Variants in KNDC1 observed in about 807,000 individuals in gnomAD.
The protein encoded by KNDC1 is kinase non-catalytic C-lobe domain-containing protein 1.
KNDC1 carries 106 observed loss-of-function variants against 172.8 expected under a neutral mutation model. The observed-to-expected ratio is 0.61, with a 90% CI of 0.52 to 0.72. KNDC1 has a LOEUF of 0.72. Ranked by LOEUF, KNDC1 falls within the 30% of genes least tolerant of loss-of-function variation. The probability of loss-of-function intolerance (pLI) is 0.00; values close to 1 mark genes in which losing one functional copy is unlikely to be tolerated. For missense variants in KNDC1, 2,325 were observed against 2,394.5 expected (o/e 0.97, Z 0.61); for synonymous variants, 1,083 against 1,062.2 (o/e 1.02, Z -0.38).
intron 22 of KNDC1, 37 bp downstream of exon 22, chr10:133,211,606 G>A: frequency 1.2e-6 from 2 of 1,603,536 alleles, no homozygotes; most frequent in Non-Finnish European, 1.7e-6. Flanking sequence ...CGCACCCGGG[G>A]CTCCCACAGT....
At position 133,213,561 on chromosome 10, in the gene KNDC1, C is replaced by T. The variant is rs560595982; in HGVS notation, c.4444-84C>T. On this transcript the variant is annotated intron_variant, in intron 24 of 29. Transcript: ENST00000304613. ...ATTGCAGAGCTGGCCCCCCAGAAAA[C>T]ACCCACCCTCCCTGGGACCCTGCCT... The T allele has an allele frequency of 1.3e-5, 16 of 1,206,866 alleles. No individual in the cohort carries two copies. In the African/African-American group the frequency reaches 1.8e-4, roughly 14 times the overall value. 74.8% of individuals were successfully genotyped at this position (1,206,866 alleles called of 1,614,324 possible). A position where few individuals can be genotyped will look rare whatever the true frequency, so the allele number is the denominator to read the frequency against.
intron 6 of KNDC1, among the ~76,000 whole-genome samples, chr10:133,187,918 C>A (rs1853966269): frequency 7.6e-6 from 1 of 131,060 alleles, no homozygotes; most frequent in South Asian, 2.3e-4. Context: ...CCGCCCTCCA[C>A]CTCCATGAGC....
intron 17 of KNDC1, among the ~76,000 whole-genome samples, chr10:133,203,177 A>T (rs1477735138): frequency 1.6e-5 from 1 of 64,252 alleles, no homozygotes; most frequent in East Asian, 3.2e-4. Context: ...CCCCAAACGC[A>T]CAGAGTCCAG....
intron 17 of KNDC1, among the ~76,000 whole-genome samples, chr10:133,205,038 CCCT>C (rs1031774510): frequency 6.6e-6 from 1 of 152,078 alleles, no homozygotes; most frequent in African/African-American, 2.4e-5. Context: ...AGAATCACCA[CCCT>C]CCTCAGTACT....
intron 29 of KNDC1, among the ~76,000 whole-genome samples, chr10:133,222,383 C>T (rs1252543554): frequency 1.3e-5 from 2 of 152,196 alleles, no homozygotes; most frequent in East Asian, 3.9e-4. Context: ...GTGAGCGCCT[C>T]CAGATCTGCC....
chr10:133,161,271 A>G lies in KNDC1; in HGVS notation c.102+702A>G, dbSNP rs1038322198. 1.2e-4 allele frequency among the ~76,000 whole-genome samples: 19 copies of G among 152,132 alleles called. 1 individual carries two copies. Among genetic ancestry groups the G allele is most frequent in the African/African-American group, 3.1e-4 (13 of 41,430 alleles). On this transcript the variant is annotated intron_variant, in intron 1 of 29. Coordinates refer to ENST00000304613, the MANE Select transcript of KNDC1 (RefSeq NM_152643.8). Reference sequence around the variant, plus strand: ...ATGAGAGGTGGCCCCCAGGGGATACAGCAGCTCCCAGAGGGACCCTCACCC... The same window carrying G: ...ATGAGAGGTGGCCCCCAGGGGATACGGCAGCTCCCAGAGGGACCCTCACCC...
At chr10:133,177,210 G>A (rs1458818425) in intron 3 of KNDC1, among the ~76,000 whole-genome samples, 1 of 151,774 alleles carries the variant, frequency 6.6e-6, no homozygotes, top group Non-Finnish European at 1.5e-5. Context: ...GTAGTATAGT[G>A]TGTGTGTGCA....
At chr10:133,189,701 C>T in intron 8 of KNDC1, 32 bp downstream of exon 8, 1 of 1,613,860 alleles carries the variant, frequency 6.2e-7, no homozygotes, top group Non-Finnish European at 8.5e-7. Flanking sequence ...AGGCCGAGTC[C>T]AGCACCGGCT....
At chr10:133,184,119 C>T in intron 5 of KNDC1, 130 bp downstream of exon 5, 1 of 512,734 alleles carries the variant, frequency 2.0e-6, no homozygotes, top group Non-Finnish European at 3.5e-6. Flanking sequence ...ACTGCACACA[C>T]ACCCATGCAC....
intron 7 of KNDC1, among the ~76,000 whole-genome samples, chr10:133,189,284 C>T (rs1005666529): frequency 5.3e-5 from 8 of 152,160 alleles, no homozygotes; most frequent in African/African-American, 1.4e-4. Flanking sequence ...TGACTCGGGA[C>T]GGGGCCTGTG....
At chr10:133,167,080 A>C (rs1242167984) in intron 1 of KNDC1, 1 of 461,542 alleles carries the variant, frequency 2.2e-6, no homozygotes, top group Non-Finnish European at 4.0e-6. Context: ...TCCACGGAGC[A>C]GGTGACCCAG....
rs772688316 is a variant in KNDC1, at chr10:133,186,356, A to T, written c.1008A>T (p.Leu336Phe). Reference protein sequence around the residue: ...RGKSQLPISELFSPDPRKAFL... With the variant: ...RGKSQLPISEFFSPDPRKAFL... The stretch of plus-strand genomic sequence containing the variant: ...AAAGCCAGCTGCCCATATCGGAATT[A>T]TTCTCTCCGGACCCCAGGAAGGCCT... The change falls in exon 6 of 30, where the codon TTA (leucine) becomes TTT (phenylalanine). Residue 336 changes from leucine (L) to phenylalanine (F), a missense_variant. By Grantham distance (22) the Leu-to-Phe change is conservative. Transcript: ENST00000304613. 2 of 1,612,682 alleles carry T rather than the reference A, an allele frequency of 1.2e-6. No homozygotes were observed. Among genetic ancestry groups the T allele is most frequent in the Non-Finnish European group, 8.5e-7 (1 of 1,179,952 alleles).
intron 3 of KNDC1, among the ~76,000 whole-genome samples, chr10:133,177,578 G>T (rs1402401842): frequency 6.9e-6 from 1 of 145,670 alleles, no homozygotes; most frequent in Non-Finnish European, 1.5e-5. Flanking sequence ...CATGCATGTG[G>T]TGTGTGTATC....
chr10:133,164,918 C>A (rs867311073), intron 1 of KNDC1, among the ~76,000 whole-genome samples: 1 of 152,012 alleles, frequency 6.6e-6, no homozygotes. Context: ...GCCTGTCTGA[C>A]CCCCCCTTGC....
intron 3 of KNDC1, among the ~76,000 whole-genome samples, chr10:133,182,990 G>A (rs577421518): frequency 1.4e-4 from 13 of 90,928 alleles, no homozygotes; most frequent in Non-Finnish European, 2.2e-4. Context: ...CACAGGCGGC[G>A]TGGGCACAGG....
At position 133,225,976 on chromosome 10, in the gene KNDC1, C is replaced by G. The variant is rs1746619363; in HGVS notation, c.*1086C>G. 1 of 152,268 alleles carries G rather than the reference C, an allele frequency of 6.6e-6. No homozygotes were observed. Among genetic ancestry groups the G allele is most frequent in the South Asian group, 2.1e-4 (1 of 4,836 alleles). 9.4% of individuals were successfully genotyped at this position (152,268 alleles called of 1,614,324 possible). A position where few individuals can be genotyped will look rare whatever the true frequency, so the allele number is the denominator to read the frequency against. On this transcript the variant is annotated 3_prime_UTR_variant, in exon 30 of 30. Transcript: ENST00000304613. ...CACGGCCCCAGCTCCGTGGGGCTCTCACGGTGCCAATCACAAGACCCAGGG... is the reference window on the plus strand; with the variant it reads ...CACGGCCCCAGCTCCGTGGGGCTCTGACGGTGCCAATCACAAGACCCAGGG...
intron 16 of KNDC1, among the ~76,000 whole-genome samples, chr10:133,201,169 C>T (rs74164117): frequency 0.015 from 2,265 of 152,326 alleles, 57 homozygotes; most frequent in African/African-American, 0.052. Flanking sequence ...CGTGAGGGGG[C>T]AGAGGGACAC....
chr10:133,198,304 C>T (rs779823628), intron 12 of KNDC1, 33 bp from the exon 13 acceptor site: 2 of 1,521,296 alleles, frequency 1.3e-6, no homozygotes, highest in South Asian at 2.4e-5. Context: ...GGCCACTCCG[C>T]CCGCCCACAC....
intron 28 of KNDC1, among the ~76,000 whole-genome samples, chr10:133,219,530 GCTCGGC>G: frequency 6.6e-6 from 1 of 152,344 alleles, no homozygotes; most frequent in South Asian, 2.1e-4. Context: ...GGGTCTCAGA[GCTCGGC>G]CTCAAGCCCC....
Sources: allele counts gnomAD v4.1 joint callset (sites outside exome capture counted in the v4.1 genomes callset), GRCh38; gene constraint gnomAD v4.1.1; transcripts MANE v1.5; gene names NCBI Gene and HGNC (gene_info 2026-07-23, HGNC 2026-07-21).